Variants in PRKCZ observed in about 807,000 individuals in gnomAD.
PRKCZ encodes the protein protein kinase C zeta type.
A neutral mutation model predicts 79.5 loss-of-function variants in PRKCZ; 33 were observed. That is an observed-to-expected ratio of 0.41 (90% CI 0.31 to 0.55). PRKCZ has a LOEUF of 0.55. Ranked by LOEUF, PRKCZ falls within the 20% of genes least tolerant of loss-of-function variation. The pLI is 0.19. For missense variants in PRKCZ, 578 were observed against 813.5 expected (o/e 0.71, Z 3.52); for synonymous variants, 342 against 320.9 (o/e 1.07, Z -0.70).
intron 4 of PRKCZ, among the ~76,000 whole-genome samples, chr1:2,102,542 C>T (rs575124113): frequency 2.7e-4 from 41 of 151,776 alleles, no homozygotes; most frequent in East Asian, 2.1e-3. Flanking sequence ...CTGTGTTAGC[C>T]GGGATGGTCT....
chr1:2,179,874 G>A (rs1017325067), intron 16 of PRKCZ, among the ~76,000 whole-genome samples: 2 of 152,202 alleles, frequency 1.3e-5, no homozygotes, highest in Non-Finnish European at 2.9e-5. Context: ...CACGTTGTGT[G>A]CTGCGCAAGG....
Position 2,177,169 on chromosome 1 carries a change from C to T in PRKCZ, c.1575+1856C>T. 6.6e-6 allele frequency among the ~76,000 whole-genome samples: 1 copy of T among 152,122 alleles called. No individual in the cohort carries two copies. The highest frequency in any genetic ancestry group is 1.9e-4 in the East Asian group (1 of 5,202). The stretch of plus-strand genomic sequence containing the variant: ...TTCCCCTATCTCAGGCCACACCTGG[C>T]CTAGCTGGTGTTAGTGGTGGCATCC... On this transcript the variant is annotated intron_variant, in intron 16 of 17. Transcript: ENST00000378567. This position sits in a 1 kb window ranked among gnomAD's most constrained non-coding sequence, Gnocchi z 6.4.
intron 1 of PRKCZ, among the ~76,000 whole-genome samples, chr1:2,052,173 C>G (rs752347200): frequency 6.6e-6 from 1 of 152,134 alleles, no homozygotes; most frequent in Non-Finnish European, 1.5e-5. Flanking sequence ...AGGTCCACAC[C>G]CGAGGGGCTG....
At chr1:2,058,298 C>T (rs1181356827) in intron 3 of PRKCZ, among the ~76,000 whole-genome samples, 4 of 150,828 alleles carry the variant, frequency 2.7e-5, no homozygotes, top group Non-Finnish European at 4.4e-5. Context: ...CCACGGTGCC[C>T]GGCCCCAATT....
intron 6 of PRKCZ, among the ~76,000 whole-genome samples, chr1:2,145,741 C>T: frequency 6.6e-6 from 1 of 151,996 alleles, no homozygotes. Context: ...TGGTGAGACC[C>T]CATCTCTACA....
chr1:2,139,113 A>G (rs1676807523), intron 5 of PRKCZ, among the ~76,000 whole-genome samples: 1 of 152,226 alleles, frequency 6.6e-6, no homozygotes, highest in African/African-American at 2.4e-5. Flanking sequence ...GACATCTCAC[A>G]CTTAGAATTG....
intron 4 of PRKCZ, among the ~76,000 whole-genome samples, chr1:2,124,792 T>G (rs1397494405): frequency 1.3e-5 from 2 of 152,026 alleles, no homozygotes; most frequent in Non-Finnish European, 2.9e-5. Context: ...ACGCCGTGCA[T>G]GTGCAGGGCT....
intron 4 of PRKCZ, among the ~76,000 whole-genome samples, chr1:2,064,735 T>A (rs1660979114): frequency 6.6e-6 from 1 of 152,256 alleles, no homozygotes; most frequent in African/African-American, 2.4e-5. Context: ...TTTGAGCCAG[T>A]GCCACACTGT....
chr1:2,062,989 T>A (rs1360387852), intron 4 of PRKCZ, among the ~76,000 whole-genome samples: 1 of 151,724 alleles, frequency 6.6e-6, no homozygotes, highest in Non-Finnish European at 1.5e-5. Flanking sequence ...GTGACTTTGG[T>A]GACTCTAGGG....
chr1:2,089,335 G>A (rs1206483031), intron 4 of PRKCZ, among the ~76,000 whole-genome samples: 2 of 152,220 alleles, frequency 1.3e-5, no homozygotes, highest in African/African-American at 4.8e-5. Flanking sequence ...AAGACTTGAG[G>A]GTCGGGGTTG....
chr1:2,162,321 G>A (rs1183016584), intron 10 of PRKCZ, among the ~76,000 whole-genome samples: 4 of 152,178 alleles, frequency 2.6e-5, no homozygotes, highest in East Asian at 1.9e-4. Context: ...TAGTAGAGAC[G>A]GGGTTTCACC....
intron 1 of PRKCZ, among the ~76,000 whole-genome samples, chr1:2,051,387 CG>C (rs1298898312): frequency 6.6e-6 from 1 of 152,130 alleles, no homozygotes; most frequent in Non-Finnish European, 1.5e-5. Context: ...ACCAGGTGGC[CG>C]GGCTCACAGG....
chr1:2,053,450 C>T (rs763822463), intron 1 of PRKCZ, among the ~76,000 whole-genome samples: 6 of 152,192 alleles, frequency 3.9e-5, no homozygotes, highest in Non-Finnish European at 5.9e-5. Context: ...AAGCCCAGGG[C>T]TTGGTGCTGA....
chr1:2,120,701 G>T (rs76037994), intron 4 of PRKCZ, among the ~76,000 whole-genome samples: 1,858 of 151,924 alleles, frequency 0.012, 45 homozygotes, highest in African/African-American at 0.042. Flanking sequence ...TTCTGCGTTG[G>T]TTTTTTCCCG....
In PRKCZ at chr1:2,174,873, C is replaced by T. The variant is rs1557741761; in HGVS notation, c.1485+40C>T. On this transcript the variant is annotated intron_variant, in intron 15 of 17. Coordinates refer to ENST00000378567, the MANE Select transcript of PRKCZ (RefSeq NM_002744.6). This position sits in a 1 kb window ranked among gnomAD's most constrained non-coding sequence, Gnocchi z 6.2. ...ATGCTGACAAAATCTCGTTTGTGGC[C>T]TCGGTGTTGGTGGGCAGAGGGCCAG... 1 of 1,597,062 alleles carries T rather than the reference C, an allele frequency of 6.3e-7. No homozygotes were observed. Among genetic ancestry groups the T allele is most frequent in the South Asian group, 1.1e-5 (1 of 90,714 alleles).
intron 4 of PRKCZ, among the ~76,000 whole-genome samples, chr1:2,129,730 C>T (rs889904739): frequency 2.6e-5 from 4 of 152,224 alleles, no homozygotes; most frequent in Non-Finnish European, 4.4e-5. Flanking sequence ...CTGCCTACAG[C>T]TGGAGTTGAG....
Position 2,169,590 on chromosome 1 carries a change from T to G in PRKCZ, c.1047T>G (p.Pro349=). Residue 349 remains proline, a synonymous_variant, in exon 11 of 18, where the codon CCT becomes CCG. Coordinates refer to ENST00000378567, the MANE Select transcript of PRKCZ (RefSeq NM_002744.6). ...MFHMQRQRKL[P]EEHARFYAAE... ...ACATGCAGAGGCAGAGGAAGCTCCC[T>G]GAGGAGCACGCCAGGTGGGTGCGCG... The G allele has an allele frequency of 6.6e-7, 1 of 1,510,712 alleles. No homozygotes were observed. The allele number at this position is 1,510,712 out of a possible 1,614,324, so 93.6% of individuals were successfully genotyped here. A position where few individuals can be genotyped will look rare whatever the true frequency, so the allele number is the denominator to read the frequency against.
chr1:2,056,498 G>A lies in PRKCZ; in HGVS notation c.208G>A (p.Val70Met). The change falls in exon 3 of 18, where the codon GTG (valine) becomes ATG (methionine). Residue 70 changes from valine (V) to methionine (M), a missense_variant. Around this residue, in one of 4 missense-constraint regions of PRKCZ, gnomAD observed 228 missense variants for 211.6 expected, o/e 1.08. Transcript: ENST00000378567. ...GCCCCACCCAGGTGACCCTTGCACGGTGTCCTCCCAGATGGAGCTGGAAGA... is the reference window on the plus strand; with the variant it reads ...GCCCCACCCAGGTGACCCTTGCACGATGTCCTCCCAGATGGAGCTGGAAGA... ...WVDSEGDPCT[V>M]SSQMELEEAF... is the part of the protein sequence containing the mutation. 1 of 1,613,906 alleles carries A rather than the reference G, an allele frequency of 6.2e-7. No homozygotes were observed. The highest frequency in any genetic ancestry group is 8.5e-7 in the Non-Finnish European group (1 of 1,179,950).
At chr1:2,068,788 G>A (rs1661328798) in intron 4 of PRKCZ, among the ~76,000 whole-genome samples, 2 of 152,232 alleles carry the variant, frequency 1.3e-5, no homozygotes, top group Middle Eastern at 3.2e-3. Context: ...CCCCGTGAGA[G>A]GTTCGTGCTG....
Sources: allele counts gnomAD v4.1 joint callset (sites outside exome capture counted in the v4.1 genomes callset), GRCh38; gene constraint gnomAD v4.1.1; regional missense constraint gnomAD v4.1.1; non-coding constraint Gnocchi (gnomAD v3.1); transcripts MANE v1.5; gene names NCBI Gene and HGNC (gene_info 2026-07-23, HGNC 2026-07-21).